The following ATP2B4 variants were observed in gnomAD, a reference collection of about 807,000 sequenced individuals.
ATP2B4 encodes the protein ATPase plasma membrane Ca2+ transporting 4, also known as plasma membrane calcium-transporting ATPase 4.
Under a neutral mutation model 110.3 loss-of-function variants are expected in ATP2B4, and 39 were observed. The ratio of observed to expected loss-of-function variants is 0.35; its 90% CI spans 0.27 to 0.46. The LOEUF is 0.46. Among genes scored for constraint, ATP2B4 ranks in the 20% least tolerant of loss-of-function variants. ATP2B4 has a pLI of 1.00. For synonymous variants in ATP2B4, 538 were observed against 571.7 expected, an observed-to-expected ratio of 0.94 and a Z score of 0.84; for missense variants, 1,135 against 1,530.9, an observed-to-expected ratio of 0.74 and a Z score of 4.32.
chr1:203,637,222 GA>G (rs1353235726), intron 1 of ATP2B4, among the ~76,000 whole-genome samples: 1 of 152,168 alleles, frequency 6.6e-6, no homozygotes, highest in Non-Finnish European at 1.5e-5. Flanking sequence ...ACGAGGTCAG[GA>G]GATTGAAACC....
At chr1:203,713,058 T>C (rs1327366218) in intron 13 of ATP2B4, 107 bp from the exon 14 acceptor site, 7 of 1,151,100 alleles carry the variant, frequency 6.1e-6, no homozygotes, top group Middle Eastern at 2.0e-4. Context: ...CATGTGGGAC[T>C]GTGGTGTACC....
intron 20 of ATP2B4, among the ~76,000 whole-genome samples, chr1:203,733,836 T>A (rs1418852795): frequency 6.6e-6 from 1 of 152,188 alleles, no homozygotes; most frequent in Non-Finnish European, 1.5e-5. Flanking sequence ...ACCCAAGAGC[T>A]TTCTTTACAT....
intron 2 of ATP2B4, among the ~76,000 whole-genome samples, chr1:203,693,372 G>A (rs934201917): frequency 2.0e-5 from 3 of 152,134 alleles, no homozygotes; most frequent in East Asian, 3.8e-4. Context: ...GACCTGCCCC[G>A]CCTTGCTGCA....
At chr1:203,664,143 A>G (rs1430093123) in intron 1 of ATP2B4, among the ~76,000 whole-genome samples, 2 of 152,254 alleles carry the variant, frequency 1.3e-5, no homozygotes, top group African/African-American at 4.8e-5. Context: ...AGTTCTTAAC[A>G]GAGTTCCTTT....
intron 1 of ATP2B4, among the ~76,000 whole-genome samples, chr1:203,635,638 G>A (rs1001848621): frequency 1.3e-5 from 2 of 151,986 alleles, no homozygotes; most frequent in Admixed American, 1.3e-4. Flanking sequence ...TTGACAGAGT[G>A]AGACCCTGTC....
At chr1:203,662,624 T>C (rs1664374471) in intron 1 of ATP2B4, among the ~76,000 whole-genome samples, 1 of 152,208 alleles carries the variant, frequency 6.6e-6, no homozygotes, top group African/African-American at 2.4e-5. Flanking sequence ...GGTTCATCCG[T>C]GTGGCAGCAT....
rs771784415 is a variant in ATP2B4 at position 203,741,773 on chromosome 1, G to A, written c.*1919G>A. ...AAATTTGATTTTGGTTTTGTAAAAC[G>A]TACATGCTTCAATAATTCTTTTTTG... is the stretch of plus-strand genomic sequence containing the variant. On this transcript the variant is annotated 3_prime_UTR_variant, in exon 21 of 21. Transcript: ENST00000357681. The A allele has an allele frequency of 4.7e-5, 7 of 148,826 alleles. No individual in the cohort carries two copies. Among genetic ancestry groups the A allele is most frequent in the East Asian group, 2.0e-4 (1 of 5,078 alleles). 9.2% of individuals were successfully genotyped at this position (148,826 alleles called of 1,614,324 possible). A position where few individuals can be genotyped will look rare whatever the true frequency, so the allele number is the denominator to read the frequency against.
At chr1:203,631,969 A>G (rs1663282371) in intron 1 of ATP2B4, among the ~76,000 whole-genome samples, 1 of 151,838 alleles carries the variant, frequency 6.6e-6, no homozygotes, top group African/African-American at 2.4e-5. Context: ...AATTTTTTGT[A>G]TTTTAATAGA....
intron 1 of ATP2B4, among the ~76,000 whole-genome samples, chr1:203,636,474 T>C (rs1663442631): frequency 6.6e-6 from 1 of 152,216 alleles, no homozygotes; most frequent in South Asian, 2.1e-4. Flanking sequence ...TAGGCTCATG[T>C]AGGTGACGGC....
intron 12 of ATP2B4, 149 bp from the exon 13 acceptor site, chr1:203,711,811 T>C: frequency 1.2e-6 from 1 of 822,944 alleles, no homozygotes; most frequent in Non-Finnish European, 1.9e-6. Flanking sequence ...CACCCAACAG[T>C]ATCAAAATGA....
rs556175610 is a variant in ATP2B4 at position 203,725,346 on chromosome 1, A to G, written c.3132+1358A>G. ...GTATTTTTAGTAGAGACAGGGTTTC[A>G]CCATGTTGGCTAGGCTGGTCTCAAA... On this transcript the variant is annotated intron_variant, in intron 19 of 20. Transcript: ENST00000357681. Among the ~76,000 whole-genome samples the G allele has an allele frequency of 3.2e-4, 49 of 152,106 alleles. 1 individual carries two copies. In the South Asian group the frequency reaches 8.9e-3, roughly 28 times the overall value.
chr1:203,706,678 T>C (rs1665858025), intron 8 of ATP2B4, among the ~76,000 whole-genome samples: 1 of 152,102 alleles, frequency 6.6e-6, no homozygotes, highest in Non-Finnish European at 1.5e-5. Flanking sequence ...TAGAAAGCTG[T>C]TTCAGGAAAC....
Position 203,703,833 on chromosome 1 carries a change from G to T in ATP2B4, c.1099+20G>T, listed in dbSNP as rs759476576. The T allele has an allele frequency of 6.2e-7, 1 of 1,610,286 alleles. No homozygotes were observed. The highest frequency in any genetic ancestry group is 1.7e-5 in the Admixed American group (1 of 59,656). Reference sequence around the variant, plus strand: ...AAGCCGGTGAGTAGGGTAGAGCCTCGTTGTGGTTTATCAATGTTGTCTTGG... The same window carrying T: ...AAGCCGGTGAGTAGGGTAGAGCCTCTTTGTGGTTTATCAATGTTGTCTTGG... On this transcript the variant is annotated intron_variant, in intron 8 of 20. Transcript: ENST00000357681.
At chr1:203,653,960 AATATAT>A (rs376712958) in intron 1 of ATP2B4, among the ~76,000 whole-genome samples, 1,443 of 132,354 alleles carry the variant, frequency 0.011, 35 homozygotes, top group African/African-American at 0.037. Flanking sequence ...TGGTTTGCCA[AATATAT>A]ATATATATAT....
chr1:203,653,960 A>AATAT (rs376712958), intron 1 of ATP2B4, among the ~76,000 whole-genome samples: 3 of 132,448 alleles, frequency 2.3e-5, no homozygotes, highest in African/African-American at 8.7e-5. Context: ...TGGTTTGCCA[A>AATAT]ATATATATAT....
intron 1 of ATP2B4, among the ~76,000 whole-genome samples, chr1:203,653,001 G>A (rs1664045428): frequency 6.6e-6 from 1 of 152,230 alleles, no homozygotes; most frequent in Non-Finnish European, 1.5e-5. Flanking sequence ...AAGTCGTGTT[G>A]AAAGCTGAGA....
chr1:203,672,026 G>GGGA (rs1664679139), intron 1 of ATP2B4, among the ~76,000 whole-genome samples: 1 of 152,216 alleles, frequency 6.6e-6, no homozygotes, highest in Non-Finnish European at 1.5e-5. Context: ...GGGGGCTGGG[G>GGGA]GGAGGGAGGA....
At chr1:203,698,466 T>C in intron 3 of ATP2B4, 112 bp downstream of exon 3, 1 of 1,171,192 alleles carries the variant, frequency 8.5e-7, no homozygotes, top group Admixed American at 2.1e-5. Context: ...TTTCCCCCAT[T>C]ATCCAGAGTG....
At chr1:203,713,998 A>G (rs1229146170) in intron 14 of ATP2B4, among the ~76,000 whole-genome samples, 173 bp from the exon 15 acceptor site, 1 of 152,168 alleles carries the variant, frequency 6.6e-6, no homozygotes, top group African/African-American at 2.4e-5. Flanking sequence ...GATGAGGACA[A>G]ACTTAGTTCA....
Sources: allele counts gnomAD v4.1 joint callset (sites outside exome capture counted in the v4.1 genomes callset), GRCh38; gene constraint gnomAD v4.1.1; transcripts MANE v1.5; gene names NCBI Gene and HGNC (gene_info 2026-07-23, HGNC 2026-07-21).